The following LIMA1 variants were observed in gnomAD, a reference collection of about 807,000 sequenced individuals.
LIMA1 encodes LIM domain and actin binding 1, also known as LIM domain and actin-binding protein 1.
Under a neutral mutation model 62.6 loss-of-function variants are expected in LIMA1, and 52 were observed. That is an observed-to-expected ratio of 0.83 (90% CI 0.67 to 1.05). The LOEUF is 1.05. Among genes scored for constraint, LIMA1 ranks in the 50% least tolerant of loss-of-function variants. The pLI, the probability that LIMA1 is intolerant of heterozygous loss-of-function variation, is 0.00. For missense variants in LIMA1, 780 were observed against 902.2 expected, an observed-to-expected ratio of 0.86 and a Z score of 1.74; for synonymous variants, 302 against 317.8, an observed-to-expected ratio of 0.95 and a Z score of 0.53.
intron 4 of LIMA1, among the ~76,000 whole-genome samples, chr12:50,207,090 A>G (rs1592519537): frequency 6.6e-6 from 1 of 151,974 alleles, no homozygotes. Context: ...ATGCTCAGCT[A>G]ATTTTTATAT....
chr12:50,216,421 G>A (rs1436396471), intron 4 of LIMA1, among the ~76,000 whole-genome samples: 1 of 151,934 alleles, frequency 6.6e-6, no homozygotes, highest in Non-Finnish European at 1.5e-5. Flanking sequence ...CTCCATGTTG[G>A]TCAGGCTGGT....
chr12:50,234,010 G>A, intron 2 of LIMA1: 1 of 416,780 alleles, frequency 2.4e-6, no homozygotes, highest in Non-Finnish European at 4.8e-6. Context: ...AGCTATAGTT[G>A]ATGACATCTT....
At chr12:50,216,710 A>G (rs183995171) in intron 4 of LIMA1, among the ~76,000 whole-genome samples, 1 of 152,144 alleles carries the variant, frequency 6.6e-6, no homozygotes, top group Non-Finnish European at 1.5e-5. Context: ...AAAATACAAA[A>G]AAAGTTAGCC....
chr12:50,263,880 GTA>G (rs530007792), intron 1 of LIMA1, among the ~76,000 whole-genome samples: 148 of 106,616 alleles, frequency 1.4e-3, no homozygotes, highest in Admixed American at 3.7e-3. Context: ...TATATATAAA[GTA>G]TATATATATA....
At chr12:50,237,782 C>A (rs1366996409) in intron 2 of LIMA1, among the ~76,000 whole-genome samples, 2 of 152,076 alleles carry the variant, frequency 1.3e-5, no homozygotes, top group Non-Finnish European at 2.9e-5. Context: ...CAGAAATAAA[C>A]CCTTACATGT....
chr12:50,260,601 T>A (rs185865747), intron 1 of LIMA1, among the ~76,000 whole-genome samples: 1 of 152,214 alleles, frequency 6.6e-6, no homozygotes, highest in Non-Finnish European at 1.5e-5. Flanking sequence ...AGAATTGGTA[T>A]ATGAATTTTT....
At position 50,236,655 on chromosome 12, in the gene LIMA1, T is replaced by C. The variant is rs1010756862; in HGVS notation, c.120-4945A>G. ...GGGGGTTCCCTTTCTCGGCTTGGAG[T>C]CCTTCTCCCTCTGTCTCTGTATGGG... On this transcript the variant is annotated intron_variant, in intron 2 of 10. Coordinates refer to ENST00000341247, the MANE Select transcript of LIMA1 (RefSeq NM_016357.5). 7.2e-5 allele frequency among the ~76,000 whole-genome samples: 11 copies of C among 151,912 alleles called. No individual in the cohort carries two copies. In the South Asian group the frequency reaches 1.0e-3, roughly 14 times the overall value.
chr12:50,246,432 C>T (rs935037088), intron 2 of LIMA1, among the ~76,000 whole-genome samples: 9 of 151,834 alleles, frequency 5.9e-5, no homozygotes, highest in African/African-American at 2.2e-4. Context: ...GTCTGATATC[C>T]TTCCCTTTCT....
At chr12:50,241,957 TTTTTTTTTTTTTTTTG>T (rs1392501118) in intron 2 of LIMA1, among the ~76,000 whole-genome samples, 2 of 134,502 alleles carry the variant, frequency 1.5e-5, no homozygotes, top group Non-Finnish European at 3.2e-5. Context: ...TTTTTTTTTT[TTTTTTTTTTTTTTTTG>T]CGGTCCAGCC....
At chr12:50,199,540 G>A (rs1025178199) in intron 7 of LIMA1, among the ~76,000 whole-genome samples, 6 of 152,068 alleles carry the variant, frequency 3.9e-5, no homozygotes, top group African/African-American at 1.4e-4. Flanking sequence ...CTGTGGTCCT[G>A]TATACCCCTC....
intron 2 of LIMA1, among the ~76,000 whole-genome samples, chr12:50,242,757 A>G (rs1045821427): frequency 6.6e-6 from 1 of 152,178 alleles, no homozygotes; most frequent in Non-Finnish European, 1.5e-5. Context: ...CCTAACCTTT[A>G]CAAGGGATCA....
intron 2 of LIMA1, among the ~76,000 whole-genome samples, chr12:50,239,417 T>C (rs529409633): frequency 6.6e-6 from 1 of 152,250 alleles, no homozygotes; most frequent in African/African-American, 2.4e-5. Flanking sequence ...GTCGAGTAGA[T>C]CACTTGAGGC....
chr12:50,186,592 C>T (rs1940635941), intron 9 of LIMA1: 1 of 152,286 alleles, frequency 6.6e-6, no homozygotes, highest in Non-Finnish European at 1.5e-5. Flanking sequence ...CCAATCGCTC[C>T]AGTGATAAGT....
intron 1 of LIMA1, among the ~76,000 whole-genome samples, chr12:50,258,449 C>T (rs539907339): frequency 6.6e-6 from 1 of 151,856 alleles, no homozygotes; most frequent in South Asian, 2.1e-4. Context: ...CACATGCCAC[C>T]GCGCCTGGCT....
At chr12:50,210,169 T>A (rs879619536) in intron 4 of LIMA1, among the ~76,000 whole-genome samples, 20 of 151,872 alleles carry the variant, frequency 1.3e-4, no homozygotes, top group South Asian at 2.1e-4. Flanking sequence ...ACACCTGTAA[T>A]CCTAGCACTT....
intron 1 of LIMA1, among the ~76,000 whole-genome samples, chr12:50,260,016 TAAAG>T (rs942172807): frequency 6.6e-6 from 1 of 152,268 alleles, no homozygotes; most frequent in African/African-American, 2.4e-5. Context: ...CAGGAATCAA[TAAAG>T]AGTCAGTCTC....
At chr12:50,214,302 A>AAT (rs1941307790) in intron 4 of LIMA1, among the ~76,000 whole-genome samples, 1 of 152,230 alleles carries the variant, frequency 6.6e-6, no homozygotes, top group South Asian at 2.1e-4. Context: ...TACAATTAAC[A>AAT]ATAACATGCA....
At chr12:50,254,673 A>ACGGTGAGGC (rs1365799437) in intron 1 of LIMA1, among the ~76,000 whole-genome samples, 2 of 152,338 alleles carry the variant, frequency 1.3e-5, no homozygotes, top group South Asian at 2.1e-4. Flanking sequence ...GCTGTTGCTT[A>ACGGTGAGGC]CGGTGAGGCC....
At chr12:50,219,727 T>G (rs1428133497) in intron 4 of LIMA1, 2 of 152,154 alleles carry the variant, frequency 1.3e-5, no homozygotes, top group Non-Finnish European at 2.9e-5. Flanking sequence ...CTTACTGTGT[T>G]GCCCAGGCTG....
Sources: gnomAD v4.1 joint callset for allele counts (sites outside exome capture counted in the v4.1 genomes callset) on GRCh38, gnomAD v4.1.1 for gene constraint, MANE v1.5 for transcripts, NCBI Gene and HGNC (gene_info 2026-07-23, HGNC 2026-07-21) for gene names.